EIF4E: variants seen among roughly 807,000 people sequenced by gnomAD.
The protein encoded by EIF4E is eIF-4F 25 kDa subunit.
For missense variants in EIF4E, 113 were observed against 265.6 expected, an observed-to-expected ratio of 0.43 and a Z score of 3.99; for synonymous variants, 71 against 88.5, an observed-to-expected ratio of 0.80 and a Z score of 1.11.
intron 3 of EIF4E, among the ~76,000 whole-genome samples, chr4:98,890,437 C>T (rs1365049085): frequency 1.3e-5 from 2 of 152,172 alleles, no homozygotes; most frequent in Non-Finnish European, 2.9e-5. Flanking sequence ...ATTAGACACA[C>T]TGGATTAACT....
At chr4:98,897,792 C>T (rs561786707) in intron 2 of EIF4E, among the ~76,000 whole-genome samples, 1 of 152,240 alleles carries the variant, frequency 6.6e-6, no homozygotes, top group South Asian at 2.1e-4. Flanking sequence ...CCACTGTAAG[C>T]CTGACAACTT....
At chr4:98,908,229 G>T (rs2110206176) in intron 1 of EIF4E, among the ~76,000 whole-genome samples, 1 of 152,166 alleles carries the variant, frequency 6.6e-6, no homozygotes, top group Admixed American at 6.5e-5. Context: ...AAAAGAGAAA[G>T]AACTCGTGAT....
At position 98,887,913 on chromosome 4, in the gene EIF4E, A is replaced by G. The variant is rs1480363322; in HGVS notation, c.261T>C (p.Pro87=). The stretch of plus-strand genomic sequence containing the variant: ...CCTTAAAAAGTGAGTAGTCACAGCC[A>G]GGCATTAAATTACTAGACAACTGGA... ...NHIQLSSNLM[P]GCDYSLFKDG... is the part of the protein sequence containing the mutation. Residue 87 remains proline, a synonymous_variant, in exon 4 of 7, where the codon CCT becomes CCC. Coordinates refer to ENST00000450253, the MANE Select transcript of EIF4E (RefSeq NM_001968.5). The surrounding 1 kb of genome is among the most constrained non-coding windows in gnomAD (Gnocchi z 4.0). 1 of 1,612,974 alleles carries G rather than the reference A, an allele frequency of 6.2e-7. No homozygotes were observed. Among genetic ancestry groups the G allele is most frequent in the Admixed American group, 1.7e-5 (1 of 59,994 alleles).
chr4:98,886,985 CTTAAA>C (rs139066077), intron 5 of EIF4E, 89 bp downstream of exon 5: 317,558 of 1,352,058 alleles, frequency 0.23, 40,882 homozygotes, highest in Non-Finnish European at 0.27. Context: ...GCATCCTTCT[CTTAAA>C]TTAAGTAACA....
chr4:98,914,217 G>A (rs554926477), intron 1 of EIF4E, among the ~76,000 whole-genome samples: 17 of 151,522 alleles, frequency 1.1e-4, no homozygotes, highest in Non-Finnish European at 2.2e-4. Flanking sequence ...TTAGCCAGGC[G>A]TGGTGGCGCA....
rs554553657 is a variant in EIF4E, at chr4:98,912,493, T to C, written c.19-10511A>G. Among the ~76,000 whole-genome samples the C allele has an allele frequency of 2.6e-5, 4 of 151,574 alleles. No homozygotes were observed. In the East Asian group the frequency reaches 7.8e-4, roughly 30 times the overall value. Reference sequence around the variant, plus strand: ...AAGGAGGCTGAGGCAGGAGAATCGCTTGAACCAGGGAATCAGAGATTGCAG... The same window carrying C: ...AAGGAGGCTGAGGCAGGAGAATCGCCTGAACCAGGGAATCAGAGATTGCAG... On this transcript the variant is annotated intron_variant, in intron 1 of 6. Transcript: ENST00000450253.
intron 1 of EIF4E, among the ~76,000 whole-genome samples, chr4:98,905,719 A>T (rs1724843172): frequency 6.6e-6 from 1 of 152,250 alleles, no homozygotes; most frequent in African/African-American, 2.4e-5. Context: ...GCTTCAAATA[A>T]AAATGTTCAG....
At chr4:98,902,858 A>G (rs1164456155) in intron 1 of EIF4E, among the ~76,000 whole-genome samples, 1 of 151,754 alleles carries the variant, frequency 6.6e-6, no homozygotes, top group African/African-American at 2.4e-5. Flanking sequence ...ACAAAACAAA[A>G]CAAAACAACA....
chr4:98,926,856 A>C (rs910712911), intron 1 of EIF4E, among the ~76,000 whole-genome samples: 4 of 152,244 alleles, frequency 2.6e-5, no homozygotes, highest in Admixed American at 2.0e-4. Context: ...TTACTAACTC[A>C]AAATATAGTC....
intron 2 of EIF4E, among the ~76,000 whole-genome samples, chr4:98,900,257 T>G (rs746059308): frequency 6.6e-6 from 1 of 152,148 alleles, no homozygotes; most frequent in Non-Finnish European, 1.5e-5. Context: ...TGTGGTACAT[T>G]GCTTCCCTGA....
intron 1 of EIF4E, among the ~76,000 whole-genome samples, chr4:98,906,203 A>C (rs1724868564): frequency 1.3e-5 from 2 of 152,200 alleles, no homozygotes; most frequent in African/African-American, 4.8e-5. Context: ...TACTCACAGG[A>C]ACTTCCAAAA....
intron 1 of EIF4E, among the ~76,000 whole-genome samples, chr4:98,920,026 T>C (rs950588507): frequency 6.6e-6 from 1 of 152,206 alleles, no homozygotes; most frequent in Non-Finnish European, 1.5e-5. Context: ...TATTGGACAG[T>C]AAAAAATACC....
intron 6 of EIF4E, 115 bp downstream of exon 6, chr4:98,884,807 A>C (rs1356026125): frequency 7.1e-7 from 1 of 1,408,380 alleles, no homozygotes; most frequent in Non-Finnish European, 9.8e-7. Flanking sequence ...TCACGAAAAC[A>C]ATACAAGGAA....
intron 1 of EIF4E, among the ~76,000 whole-genome samples, chr4:98,923,504 G>A (rs927352015): frequency 1.3e-5 from 2 of 152,016 alleles, no homozygotes; most frequent in African/African-American, 4.8e-5. Flanking sequence ...GGAGAGACAG[G>A]GTCTCGCCAT....
rs527622522 is a variant in EIF4E, at chr4:98,881,214, T to C, written c.540-72A>G. 3.2e-6 allele frequency: 5 copies of C among 1,544,264 alleles called. No homozygotes were observed. In the African/African-American group the frequency reaches 5.6e-5, roughly 17 times the overall value. On this transcript the variant is annotated intron_variant, in intron 6 of 6. Transcript: ENST00000450253. ...TACTCACAAGAAATACATTTAAAAA[T>C]TTAGGGTTATTAGTCTTTATATTAA... is the stretch of plus-strand genomic sequence containing the variant.
intron 1 of EIF4E, among the ~76,000 whole-genome samples, chr4:98,902,918 G>GT (rs1412248999): frequency 6.6e-6 from 1 of 152,088 alleles, no homozygotes; most frequent in Non-Finnish European, 1.5e-5. Context: ...TGATGCGCAG[G>GT]TCTTACCTTC....
At chr4:98,911,116 C>T (rs1030945636) in intron 1 of EIF4E, among the ~76,000 whole-genome samples, 16 of 151,646 alleles carry the variant, frequency 1.1e-4, no homozygotes, top group African/African-American at 2.9e-4. Flanking sequence ...GTGGCGCGAT[C>T]TCGGCTCACT....
chr4:98,901,427 G>A (rs955184398), intron 2 of EIF4E, among the ~76,000 whole-genome samples: 1 of 151,944 alleles, frequency 6.6e-6, no homozygotes, highest in African/African-American at 2.4e-5. Flanking sequence ...TCAAACTCCT[G>A]ACCTCAGGTG....
chr4:98,881,404 ATAT>A (rs967452929), intron 6 of EIF4E, among the ~76,000 whole-genome samples: 3 of 152,014 alleles, frequency 2.0e-5, no homozygotes, highest in African/African-American at 7.2e-5. Context: ...CTATATTATT[ATAT>A]TGTTATTTAT....
Sources: allele counts gnomAD v4.1 joint callset (sites outside exome capture counted in the v4.1 genomes callset), GRCh38; gene constraint gnomAD v4.1.1; non-coding constraint Gnocchi (gnomAD v3.1); transcripts MANE v1.5; gene names NCBI Gene and HGNC (gene_info 2026-07-23, HGNC 2026-07-21).